Variants in CEP85L observed in about 807,000 individuals in gnomAD.
CEP85L encodes the protein centrosomal protein of 85 kDa-like.
In CEP85L, 60 loss-of-function variants were observed where a neutral mutation model predicts 100.3. The ratio of observed to expected loss-of-function variants is 0.60; its 90% CI spans 0.49 to 0.74. The LOEUF is 0.74. CEP85L is among the 30% of genes least tolerant of loss of function. The pLI is 0.00. For synonymous variants in CEP85L, 319 were observed against 322.7 expected (o/e 0.99, Z 0.12); for missense variants, 973 against 936.2 (o/e 1.04, Z -0.51).
At chr6:118,696,300 A>G (rs1777209145) in intron 1 of CEP85L, among the ~76,000 whole-genome samples, 1 of 152,068 alleles carries the variant, frequency 6.6e-6, no homozygotes, top group African/African-American at 2.4e-5. Flanking sequence ...AAGAAAAAGA[A>G]ATGTTAGACA....
In CEP85L at chr6:118,651,565, A is replaced by C; in HGVS notation, c.-296T>G. 1 of 1,170,280 alleles carries C rather than the reference A, an allele frequency of 8.5e-7. No individual in the cohort carries two copies. The highest frequency in any genetic ancestry group is 1.1e-6 in the Non-Finnish European group (1 of 947,578). 72.5% of individuals were successfully genotyped at this position (1,170,280 alleles called of 1,614,324 possible). ...GGCTGAGCCCAGGCTCAAAGGCTCC[A>C]GGCGAAGTTGCAGCTGCGGGTTCTC... is the stretch of plus-strand genomic sequence containing the variant. On this transcript the variant is annotated 5_prime_UTR_variant, in exon 1 of 13. Transcript: ENST00000368491.
intron 1 of CEP85L, among the ~76,000 whole-genome samples, chr6:118,668,058 T>G (rs1169567389): frequency 6.6e-6 from 1 of 152,202 alleles, no homozygotes; most frequent in Non-Finnish European, 1.5e-5. Context: ...GCCGTTGACT[T>G]CTTTAAAGAA....
At chr6:118,611,951 A>T (rs1486971066) in intron 2 of CEP85L, among the ~76,000 whole-genome samples, 1 of 152,238 alleles carries the variant, frequency 6.6e-6, no homozygotes, top group Non-Finnish European at 1.5e-5. Flanking sequence ...CTAGACAGAA[A>T]ATCATCAAGT....
At chr6:118,636,159 A>T (rs1327739821) in intron 1 of CEP85L, among the ~76,000 whole-genome samples, 1 of 152,204 alleles carries the variant, frequency 6.6e-6, no homozygotes, top group Non-Finnish European at 1.5e-5. Flanking sequence ...GTCCAATGAA[A>T]CCTGGGGGCC....
intron 2 of CEP85L, among the ~76,000 whole-genome samples, chr6:118,614,934 A>G (rs1285791888): frequency 6.6e-6 from 1 of 152,254 alleles, no homozygotes; most frequent in African/African-American, 2.4e-5. Context: ...ATGTATTTCT[A>G]TATTATAAAT....
chr6:118,567,485 G>A (rs1175835406), intron 2 of CEP85L, among the ~76,000 whole-genome samples: 1 of 151,726 alleles, frequency 6.6e-6, no homozygotes, highest in Non-Finnish European at 1.5e-5. Context: ...GATAAATAAT[G>A]GCTTAAATAC....
At chr6:118,606,973 C>T (rs1219336500) in intron 2 of CEP85L, among the ~76,000 whole-genome samples, 1 of 151,996 alleles carries the variant, frequency 6.6e-6, no homozygotes, top group Non-Finnish European at 1.5e-5. Context: ...ACTCTTTTGC[C>T]GGCATGCCAG....
At chr6:118,580,498 C>T (rs1441608348) in intron 2 of CEP85L, among the ~76,000 whole-genome samples, 2 of 152,210 alleles carry the variant, frequency 1.3e-5, no homozygotes, top group African/African-American at 4.8e-5. Flanking sequence ...CTACACTTAT[C>T]GTTGGCTGCT....
At chr6:118,622,043 G>A (rs1773481390) in intron 2 of CEP85L, among the ~76,000 whole-genome samples, 1 of 152,222 alleles carries the variant, frequency 6.6e-6, no homozygotes, top group Non-Finnish European at 1.5e-5. Flanking sequence ...AGCTCTTGGA[G>A]TTCTAAGTCA....
At chr6:118,572,970 G>A (rs564795556) in intron 2 of CEP85L, among the ~76,000 whole-genome samples, 1 of 152,260 alleles carries the variant, frequency 6.6e-6, no homozygotes, top group South Asian at 2.1e-4. Flanking sequence ...GCTGAGGCAG[G>A]AGAATCACTT....
At chr6:118,551,648 C>T (rs1778551979) in intron 3 of CEP85L, among the ~76,000 whole-genome samples, 2 of 152,004 alleles carry the variant, frequency 1.3e-5, no homozygotes, top group African/African-American at 4.8e-5. Flanking sequence ...CTCCTCAAGA[C>T]AGAGCTTTAA....
chr6:118,581,245 G>C (rs1228119286), intron 2 of CEP85L, among the ~76,000 whole-genome samples: 11 of 152,092 alleles, frequency 7.2e-5, no homozygotes, highest in Admixed American at 7.2e-4. Flanking sequence ...CACCTATTCT[G>C]TCTCCAACAG....
chr6:118,617,467 A>G (rs1773138365), intron 2 of CEP85L, among the ~76,000 whole-genome samples: 1 of 152,222 alleles, frequency 6.6e-6, no homozygotes, highest in African/African-American at 2.4e-5. Flanking sequence ...GCAAGGCCAT[A>G]AATCAGGTAA....
At chr6:118,528,145 A>G (rs1245222038) in intron 3 of CEP85L, among the ~76,000 whole-genome samples, 1 of 152,064 alleles carries the variant, frequency 6.6e-6, no homozygotes, top group Non-Finnish European at 1.5e-5. Context: ...TACTCTTCAC[A>G]AGTCATCTGC....
chr6:118,581,908 T>C (rs1780598497), intron 2 of CEP85L, among the ~76,000 whole-genome samples: 1 of 152,154 alleles, frequency 6.6e-6, no homozygotes, highest in Non-Finnish European at 1.5e-5. Flanking sequence ...TTGATTTTAA[T>C]ATTATCCAAC....
chr6:118,624,661 C>T (rs1773666952), intron 2 of CEP85L, among the ~76,000 whole-genome samples: 1 of 152,222 alleles, frequency 6.6e-6, no homozygotes, highest in Non-Finnish European at 1.5e-5. Context: ...AGTGCTGCTT[C>T]TCTCTGCTCC....
chr6:118,543,075 C>T (rs1319228641), intron 3 of CEP85L, among the ~76,000 whole-genome samples: 1 of 152,014 alleles, frequency 6.6e-6, no homozygotes, highest in Non-Finnish European at 1.5e-5. Context: ...CCTAGAAAGC[C>T]CACCTCCTCC....
intron 1 of CEP85L, among the ~76,000 whole-genome samples, chr6:118,681,628 A>C (rs1427663980): frequency 6.6e-6 from 1 of 152,032 alleles, no homozygotes; most frequent in Non-Finnish European, 1.5e-5. Flanking sequence ...ATTTTCCTGC[A>C]ATGTCACTGG....
intron 1 of CEP85L, among the ~76,000 whole-genome samples, chr6:118,650,785 G>GGCC (rs1775502146): frequency 1.3e-5 from 2 of 152,300 alleles, no homozygotes; most frequent in South Asian, 2.1e-4. Flanking sequence ...GACGCGCCCG[G>GGCC]GCCGCCGCCG....
Sources: gnomAD v4.1 joint callset for allele counts (sites outside exome capture counted in the v4.1 genomes callset) on GRCh38, gnomAD v4.1.1 for gene constraint, MANE v1.5 for transcripts, NCBI Gene and HGNC (gene_info 2026-07-23, HGNC 2026-07-21) for gene names.